DLG5: variants seen among roughly 807,000 people sequenced by gnomAD.
The protein encoded by DLG5 is discs large MAGUK scaffold protein 5.
DLG5 carries 48 observed loss-of-function variants against 189.8 expected under a neutral mutation model. The observed-to-expected ratio is 0.25, with a 90% CI of 0.20 to 0.32. The LOEUF (loss-of-function observed/expected upper bound fraction) is 0.32. Among genes scored for constraint, DLG5 ranks in the 10% least tolerant of loss-of-function variants. DLG5 has a pLI of 1.00. For synonymous variants in DLG5, 1,016 were observed against 1,054.1 expected (o/e 0.96, Z 0.70); for missense variants, 2,160 against 2,544.7 (o/e 0.85, Z 3.25).
rs529453494 is a variant in DLG5 at position 77,797,127 on chromosome 10, TC to T, written c.5165-534del. 2.0e-5 allele frequency among the ~76,000 whole-genome samples: 3 copies of T among 152,294 alleles called. 1 individual carries two copies. In the South Asian group the frequency reaches 6.2e-4, roughly 32 times the overall value. On this transcript the variant is annotated intron_variant, in intron 27 of 31. Transcript: ENST00000372391. The stretch of plus-strand genomic sequence containing the variant: ...TGGAAGGGACCTGGGTCCTGGATGA[TC>T]CTCAGAACGCAATGCCTCTCCCACA...
At chr10:77,936,400 A>G in the DLG5 span, among the ~76,000 whole-genome samples, 5 of 150,102 alleles carry the variant, frequency 3.3e-5, no homozygotes, top group Admixed American at 6.7e-5. Context: ...ATCACGCCAC[A>G]GCACTCTAGC....
chr10:77,851,562 A>G (rs1204429449), intron 5 of DLG5, among the ~76,000 whole-genome samples: 1 of 152,200 alleles, frequency 6.6e-6, no homozygotes, highest in African/African-American at 2.4e-5. Context: ...TATGGGCTAA[A>G]TACCAACTTT....
At position 77,926,389 on chromosome 10, in the gene DLG5, C is replaced by G. The variant is rs1450644123; in HGVS notation, c.132G>C (p.Leu44=). The G allele has an allele frequency of 6.3e-7, 1 of 1,592,346 alleles. No individual in the cohort carries two copies. The highest frequency in any genetic ancestry group is 1.2e-5 in the South Asian group (1 of 86,692). ...CCTTGGCGCCTCCCGCCTCCTCGTC[C>G]AGCTGCCGCCGCTCGCCGGGACTGA... ...GALSPGERRQ[L]DEEAGGAKAE... The change falls in exon 1 of 32, where the codon CTG becomes CTC. Residue 44 remains leucine (L), a synonymous_variant. Transcript: ENST00000372391. This position sits in a 1 kb window ranked among gnomAD's most constrained non-coding sequence, Gnocchi z 5.2.
intron 3 of DLG5, among the ~76,000 whole-genome samples, chr10:77,855,690 G>A (rs901710463): frequency 6.6e-6 from 1 of 152,220 alleles, no homozygotes; most frequent in Non-Finnish European, 1.5e-5. Context: ...AACTGACTGA[G>A]GGGCATATCC....
Position 77,844,381 on chromosome 10 carries a change from C to A in DLG5, c.865-675G>T, listed in dbSNP as rs182444554. 2.3e-3 allele frequency among the ~76,000 whole-genome samples: 355 copies of A among 152,350 alleles called. 2 individuals are homozygous for A. Among genetic ancestry groups the A allele is most frequent in the South Asian group, 0.023 (110 of 4,826 alleles). On this transcript the variant is annotated intron_variant, in intron 5 of 31. Transcript: ENST00000372391. ...TCACGCGCCTTTCCCCCTTTGCCGA[C>A]TTTGCTCTGTGTACTTTTGTTGTAA...
At chr10:77,833,444 A>T (rs202155673) in intron 9 of DLG5, among the ~76,000 whole-genome samples, 2 of 152,304 alleles carry the variant, frequency 1.3e-5, no homozygotes, top group East Asian at 3.9e-4. Context: ...GCGCACTGTG[A>T]GCCCATGAGG....
At position 77,791,026 on chromosome 10, in the gene DLG5, T is replaced by C. The variant is rs114514671; in HGVS notation, c.*1414A>G. On this transcript the variant is annotated 3_prime_UTR_variant, in exon 32 of 32. Coordinates refer to ENST00000372391, the MANE Select transcript of DLG5 (RefSeq NM_004747.4). ...CATAGTTTGTCTGAGCTAGAAAACTTGTACCTGTAAAACAAAGGACAGCAT... is the reference window on the plus strand; with the variant it reads ...CATAGTTTGTCTGAGCTAGAAAACTCGTACCTGTAAAACAAAGGACAGCAT... The C allele has an allele frequency of 6.6e-6, 1 of 152,576 alleles. No individual in the cohort carries two copies. Among genetic ancestry groups the C allele is most frequent in the African/African-American group, 2.4e-5 (1 of 41,448 alleles). The allele number at this position is 152,576 out of a possible 1,614,324, so 9.5% of individuals were successfully genotyped here.
intron 11 of DLG5, 119 bp downstream of exon 11, chr10:77,830,098 C>CTGTG (rs1233688093): frequency 7.7e-7 from 1 of 1,302,430 alleles, no homozygotes. Context: ...CTTGGACAGA[C>CTGTG]TGTGTGTGAG....
intron 27 of DLG5, among the ~76,000 whole-genome samples, chr10:77,802,395 C>A (rs1395332094): frequency 6.6e-6 from 1 of 152,166 alleles, no homozygotes; most frequent in Non-Finnish European, 1.5e-5. Context: ...CAAACACTGA[C>A]AGGATGTGTC....
chr10:77,876,724 A>AGGGG (rs1564569735), intron 1 of DLG5, among the ~76,000 whole-genome samples: 1 of 44,730 alleles, frequency 2.2e-5, no homozygotes, highest in African/African-American at 8.1e-5. Context: ...GGAGGGAGGG[A>AGGGG]GGGAAGGAAG....
intron 2 of DLG5, among the ~76,000 whole-genome samples, chr10:77,857,696 G>A (rs1376841284): frequency 6.6e-6 from 1 of 152,208 alleles, no homozygotes. Flanking sequence ...CCATCTCTAG[G>A]AAGAAAGCAC....
At chr10:77,892,567 G>C (rs1845641364) in intron 1 of DLG5, among the ~76,000 whole-genome samples, 1 of 152,176 alleles carries the variant, frequency 6.6e-6, no homozygotes, top group East Asian at 1.9e-4. Flanking sequence ...TGAGGCCTCT[G>C]TGTTCCCAGG....
intron 2 of DLG5, chr10:77,868,605 A>C (rs1162520268): frequency 9.0e-6 from 2 of 223,054 alleles, no homozygotes; most frequent in Admixed American, 5.3e-5. Context: ...GAGAAACCCC[A>C]CTAGAGGTGC....
chr10:77,887,276 C>G (rs1845467899), intron 1 of DLG5, among the ~76,000 whole-genome samples: 1 of 152,184 alleles, frequency 6.6e-6, no homozygotes, highest in Non-Finnish European at 1.5e-5. Flanking sequence ...CAGCCCTTTG[C>G]CTGTAACTGC....
At chr10:77,793,888 T>C in intron 31 of DLG5, 120 bp downstream of exon 31, 1 of 841,344 alleles carries the variant, frequency 1.2e-6, no homozygotes, top group Non-Finnish European at 2.0e-6. Flanking sequence ...AACGTGCTCA[T>C]GACAGCACTT....
intron 1 of DLG5, chr10:77,869,573 G>A (rs1844819495): frequency 3.8e-6 from 1 of 263,092 alleles, no homozygotes; most frequent in Non-Finnish European, 7.2e-6. Context: ...TCCATGCAGA[G>A]GGTAACAGAG....
chr10:77,882,411 A>G (rs536319277), intron 1 of DLG5, among the ~76,000 whole-genome samples: 2 of 152,302 alleles, frequency 1.3e-5, no homozygotes, highest in African/African-American at 4.8e-5. Flanking sequence ...GTAACTGCTA[A>G]TAAATGATCC....
At chr10:77,869,721 A>C (rs1292297760) in intron 1 of DLG5, 2 of 154,302 alleles carry the variant, frequency 1.3e-5, no homozygotes, top group Non-Finnish European at 2.9e-5. Context: ...TAAAATGATG[A>C]GCAATTGTAC....
In DLG5 at chr10:77,807,835, G is replaced by A. The variant is rs757033291; in HGVS notation, c.4757C>T (p.Thr1586Met). ...LKVQYRPEEF[T>M]KAKGLPGDSF... ...GTCACCAGGCAGGCCCTTGGCCTTC[G>A]TGAACTCCTCAGGGCGGTACTGCAC... Residue 1586 changes from threonine (T) to methionine (M), a missense_variant, in exon 25 of 32, where the codon ACG (threonine) becomes ATG (methionine). Physicochemically the swap from Thr to Met is moderately conservative, Grantham distance 81. Around this residue, in one of 5 missense-constraint regions of DLG5, gnomAD observed 574 missense variants for 644.2 expected, o/e 0.89. Coordinates refer to ENST00000372391, the MANE Select transcript of DLG5 (RefSeq NM_004747.4). 13 of 1,613,936 alleles carry A rather than the reference G, an allele frequency of 8.1e-6. No individual in the cohort carries two copies. The East Asian group carries it at 1.8e-4, about 22-fold the overall frequency.
Sources: gnomAD v4.1 joint callset for allele counts (sites outside exome capture counted in the v4.1 genomes callset) on GRCh38, gnomAD v4.1.1 for gene constraint, gnomAD v4.1.1 regional missense constraint, Gnocchi (gnomAD v3.1) non-coding constraint, MANE v1.5 for transcripts, NCBI Gene and HGNC (gene_info 2026-07-23, HGNC 2026-07-21) for gene names.